The following CFAP92 variants were observed in gnomAD, a reference collection of about 807,000 sequenced individuals.
CFAP92 encodes cilia and flagella associated protein 92 (putative).
In CFAP92, 86 loss-of-function variants were observed where a neutral mutation model predicts 106.3. The ratio of observed to expected loss-of-function variants is 0.81; its 90% CI spans 0.68 to 0.97. CFAP92 has a LOEUF of 0.97. Ranked by LOEUF, CFAP92 falls within the 50% of genes least tolerant of loss-of-function variation. CFAP92 has a pLI of 0.00. For missense variants in CFAP92, 1,204 were observed against 1,283.8 expected (o/e 0.94, Z 0.95); for synonymous variants, 477 against 506.4 (o/e 0.94, Z 0.78).
At chr3:128,937,463 A>G (rs925309546) in intron 10 of CFAP92, among the ~76,000 whole-genome samples, 27 of 151,886 alleles carry the variant, frequency 1.8e-4, no homozygotes, top group African/African-American at 6.3e-4. Context: ...AGCTGGGCGC[A>G]GTGGCGGGTG....
rs1196213177 is a variant in CFAP92 at position 128,932,843 on chromosome 3, G to A, written c.2608C>T (p.Pro870Ser). Residue 870 changes from proline (P) to serine (S), a missense_variant, in exon 12 of 16, where the codon CCT becomes TCT. By Grantham distance (74) the Pro-to-Ser change is moderately conservative. Coordinates refer to ENST00000645291, the MANE Select transcript of CFAP92 (RefSeq NM_001394090.1). ...LTDEKLFALPPQPAPNLEDYH... is the reference protein window; with the variant it reads ...LTDEKLFALPSQPAPNLEDYH... Reference sequence around the variant, plus strand: ...TCCTCAAGATTGGGGGCAGGCTGAGGTGGTAGGGCAAACAGTTTCTCATCT... The same window carrying A: ...TCCTCAAGATTGGGGGCAGGCTGAGATGGTAGGGCAAACAGTTTCTCATCT... 1 of 1,536,254 alleles carries A rather than the reference G, an allele frequency of 6.5e-7. No individual in the cohort carries two copies.
chr3:128,975,758 C>T, intron 7 of CFAP92, 21 bp downstream of exon 7: 1 of 1,540,766 alleles, frequency 6.5e-7, no homozygotes, highest in African/African-American at 1.4e-5. Flanking sequence ...TATAAAATTC[C>T]CAAATCCTAT....
At chr3:128,984,670 C>T (rs1390793628) in intron 4 of CFAP92, among the ~76,000 whole-genome samples, 1 of 152,158 alleles carries the variant, frequency 6.6e-6, no homozygotes, top group East Asian at 1.9e-4. Flanking sequence ...TCATGTGAGT[C>T]AATACTCCTT....
At chr3:128,990,918 T>A (rs895890784) in intron 2 of CFAP92, among the ~76,000 whole-genome samples, 2 of 151,850 alleles carry the variant, frequency 1.3e-5, no homozygotes, top group Non-Finnish European at 2.9e-5. Context: ...AATAAATAAT[T>A]TATATAAAGA....
At chr3:128,985,096 T>G (rs1372250814) in intron 4 of CFAP92, among the ~76,000 whole-genome samples, 1 of 152,202 alleles carries the variant, frequency 6.6e-6, no homozygotes, top group Non-Finnish European at 1.5e-5. Context: ...GGGGAAAAAC[T>G]TATTTAAATA....
intron 12 of CFAP92, among the ~76,000 whole-genome samples, chr3:128,925,187 G>A (rs531450668): frequency 1.3e-5 from 2 of 152,340 alleles, no homozygotes; most frequent in East Asian, 1.9e-4. Context: ...AGTGGGAGAG[G>A]GTTGTATGGG....
chr3:129,025,233 G>A, the CFAP92 span, among the ~76,000 whole-genome samples: 1 of 152,190 alleles, frequency 6.6e-6, no homozygotes, highest in Non-Finnish European at 1.5e-5. Flanking sequence ...TAGAGCGAGT[G>A]CACACTGAGG....
rs966080500 is a variant in CFAP92 at position 128,988,744 on chromosome 3, A to G, written c.437T>C (p.Leu146Pro). The change falls in exon 3 of 16, where the codon CTG (leucine) becomes CCG (proline). Residue 146 changes from leucine (L) to proline (P), a missense_variant. Transcript: ENST00000645291. ...LLFPMVAKVFLESGVKTVKPW... is the reference protein window; with the variant it reads ...LLFPMVAKVFPESGVKTVKPW... ...CACACGCACCTTTACTCCTGACTCC[A>G]GGAATACTTTGGCCACCATTGGAAA... 1 of 1,613,984 alleles carries G rather than the reference A, an allele frequency of 6.2e-7. No individual in the cohort carries two copies. The highest frequency in any genetic ancestry group is 8.5e-7 in the Non-Finnish European group (1 of 1,179,898).
At chr3:128,987,126 A>G (rs751452087) in intron 4 of CFAP92, among the ~76,000 whole-genome samples, 4 of 151,960 alleles carry the variant, frequency 2.6e-5, no homozygotes, top group Non-Finnish European at 5.9e-5. Flanking sequence ...GCACCACCGC[A>G]CTCCAGCCTG....
chr3:128,933,811 C>T (rs1938672658), intron 11 of CFAP92, among the ~76,000 whole-genome samples: 1 of 152,194 alleles, frequency 6.6e-6, no homozygotes, highest in Non-Finnish European at 1.5e-5. Context: ...TGTGGCACCA[C>T]CCCACATGCC....
chr3:128,996,951 T>A (rs1378732063), upstream of CFAP92, among the ~76,000 whole-genome samples: 1 of 152,162 alleles, frequency 6.6e-6, no homozygotes, highest in Non-Finnish European at 1.5e-5. Context: ...AGAGCAGGGA[T>A]CCCAGAGGGC....
chr3:129,006,161 T>G (rs1237890624), upstream of CFAP92, among the ~76,000 whole-genome samples: 1 of 152,196 alleles, frequency 6.6e-6, no homozygotes, highest in African/African-American at 2.4e-5. Flanking sequence ...AGTAGGAAAG[T>G]CAAATCAGCC....
chr3:128,961,316 G>A (rs192434853), intron 9 of CFAP92, among the ~76,000 whole-genome samples: 2 of 151,726 alleles, frequency 1.3e-5, no homozygotes, highest in Non-Finnish European at 2.9e-5. Flanking sequence ...TTTCCCTCCC[G>A]CCTGTCCCCT....
intron 4 of CFAP92, among the ~76,000 whole-genome samples, chr3:128,982,850 TTTATCAG>T (rs1204529277): frequency 6.6e-6 from 1 of 152,172 alleles, no homozygotes; most frequent in African/African-American, 2.4e-5. Flanking sequence ...ACACACAGCA[TTTATCAG>T]TTAAGTTCAC....
In CFAP92 at chr3:128,952,572, A is replaced by G. The variant is rs139967720; in HGVS notation, c.1354-6597T>C. ...GAAAAGGAATCTGAAGCAGTAATGA[A>G]CATGCTTGAAACAAATGAAAAAATT... On this transcript the variant is annotated intron_variant, in intron 9 of 15. Transcript: ENST00000645291. Among the ~76,000 whole-genome samples the G allele has an allele frequency of 2.0e-4, 30 of 152,342 alleles. No homozygotes were observed. The East Asian group carries it at 5.6e-3, about 28-fold the overall frequency.
intron 4 of CFAP92, among the ~76,000 whole-genome samples, chr3:128,983,931 G>A (rs1049492561): frequency 6.6e-6 from 1 of 152,228 alleles, no homozygotes; most frequent in Admixed American, 6.5e-5. Flanking sequence ...AGGGCCGAAG[G>A]GGAGACAGAG....
intron 9 of CFAP92, among the ~76,000 whole-genome samples, chr3:128,956,183 T>TAAAAAAAAAAAAAAAA (rs1559894583): frequency 2.3e-5 from 1 of 43,196 alleles, no homozygotes; most frequent in East Asian, 4.4e-4. Context: ...AAAAAATAAA[T>TAAAAAAAAAAAAAAAA]TAAAAAAAAA....
In CFAP92 at chr3:128,935,145, C is replaced by A; in HGVS notation, c.2433G>T (p.Arg811=). 4 of 1,530,868 alleles carry A rather than the reference C, an allele frequency of 2.6e-6. No homozygotes were observed. The highest frequency in any genetic ancestry group is 3.5e-6 in the Non-Finnish European group (4 of 1,143,638). 94.8% of individuals were successfully genotyped at this position (1,530,868 alleles called of 1,614,324 possible). A position where few individuals can be genotyped will look rare whatever the true frequency, so the allele number is the denominator to read the frequency against. The part of the protein sequence containing the change: ...VFFLRDTERR[R]VFQALARIHD... ...CCCACCTGGCTAGAGCCTGGAAGAC[C>A]CGCCTCCGCTCAGTGTCTCGCAGGA... The change falls in exon 11 of 16, where the codon CGG becomes CGT. Residue 811 remains arginine, a synonymous_variant. Coordinates refer to ENST00000645291, the MANE Select transcript of CFAP92 (RefSeq NM_001394090.1).
intron 8 of CFAP92, chr3:128,969,851 A>C (rs1942656349): frequency 6.6e-6 from 1 of 152,156 alleles, no homozygotes; most frequent in Non-Finnish European, 1.5e-5. Context: ...ACCCTCTGAA[A>C]GTTTACTCTC....
Sources: allele counts gnomAD v4.1 joint callset (sites outside exome capture counted in the v4.1 genomes callset), GRCh38; gene constraint gnomAD v4.1.1; transcripts MANE v1.5; gene names NCBI Gene and HGNC (gene_info 2026-07-23, HGNC 2026-07-21).